Variants in UTP14C observed in about 807,000 individuals in gnomAD.
UTP14C encodes U3 small nucleolar RNA-associated protein 14 homolog C.
In UTP14C, 10 loss-of-function variants were observed where a neutral mutation model predicts 14.6. The ratio of observed to expected loss-of-function variants is 0.68; its 90% CI spans 0.42 to 1.16. UTP14C has a LOEUF of 1.16. Ranked by LOEUF, UTP14C falls within the 50% of genes most tolerant of loss-of-function variation. The pLI is 0.00. For missense variants in UTP14C, 818 were observed against 890.8 expected, an observed-to-expected ratio of 0.92 and a Z score of 1.04; for synonymous variants, 315 against 331.6, an observed-to-expected ratio of 0.95 and a Z score of 0.54.
At chr13:52,026,307 A>G (rs1241444193) in intron 1 of UTP14C, among the ~76,000 whole-genome samples, 1 of 152,204 alleles carries the variant, frequency 6.6e-6, no homozygotes, top group Non-Finnish European at 1.5e-5. Flanking sequence ...AGATGCATCA[A>G]TAGGAACATT....
In UTP14C at chr13:52,032,194, C is replaced by G. The variant is rs1954312637; in HGVS notation, c.*1089C>G. The G allele has an allele frequency of 6.5e-6, 1 of 154,906 alleles. No individual in the cohort carries two copies. The highest frequency in any genetic ancestry group is 2.4e-5 in the African/African-American group (1 of 41,404). The allele number at this position is 154,906 out of a possible 1,614,324, so 9.6% of individuals were successfully genotyped here. A position where few individuals can be genotyped will look rare whatever the true frequency, so the allele number is the denominator to read the frequency against. The stretch of plus-strand genomic sequence containing the variant: ...CCAAGATTGTGCCACTGCACTCTAG[C>G]CTGGGCAATAAGCAAAACTCCATCT... On this transcript the variant is annotated 3_prime_UTR_variant, in exon 2 of 2. Coordinates refer to ENST00000521776, the MANE Select transcript of UTP14C (RefSeq NM_021645.6).
At position 52,032,624 on chromosome 13, in the gene UTP14C, G is replaced by T. The variant is rs1263091208; in HGVS notation, c.*1519G>T. Reference sequence around the variant, plus strand: ...CTTATCTACTCCCAATTATGTTGTTGATACATCTCCAAGCCATCTGTCATC... The same window carrying T: ...CTTATCTACTCCCAATTATGTTGTTTATACATCTCCAAGCCATCTGTCATC... On this transcript the variant is annotated 3_prime_UTR_variant, in exon 2 of 2. Coordinates refer to ENST00000521776, the MANE Select transcript of UTP14C (RefSeq NM_021645.6). The T allele has an allele frequency of 6.0e-6, 1 of 166,994 alleles. No homozygotes were observed. The highest frequency in any genetic ancestry group is 2.4e-5 in the African/African-American group (1 of 41,432). 10.3% of individuals were successfully genotyped at this position (166,994 alleles called of 1,614,324 possible). A position where few individuals can be genotyped will look rare whatever the true frequency, so the allele number is the denominator to read the frequency against.
rs980468793 is a variant in UTP14C, at chr13:52,031,507, T to C, written c.*402T>C. The C allele has an allele frequency of 5.3e-6, 1 of 187,272 alleles. No homozygotes were observed. 11.6% of individuals were successfully genotyped at this position (187,272 alleles called of 1,614,324 possible). ...TGCCAGCAATCCTTTCCATACTAGG[T>C]ACTGGTGAAAATTGTTTTTGTTTAT... On this transcript the variant is annotated 3_prime_UTR_variant, in exon 2 of 2. Coordinates refer to ENST00000521776, the MANE Select transcript of UTP14C (RefSeq NM_021645.6).
At position 52,030,212 on chromosome 13, in the gene UTP14C, C is replaced by A. The variant is rs1463288811; in HGVS notation, c.1408C>A (p.Gln470Lys). 2 of 1,614,202 alleles carry A rather than the reference C, an allele frequency of 1.2e-6. No homozygotes were observed. Among genetic ancestry groups the A allele is most frequent in the African/African-American group, 1.3e-5 (1 of 75,044 alleles). ...ATCTCAGAAATTGAAGGAAAAACAT[C>A]AGTCCAGGAAGCAAAAAGCAAGTTC... ...ALSQKLKEKH[Q>K]SRKQKASSEG... is the part of the protein sequence containing the mutation. Residue 470 changes from glutamine to lysine, a missense_variant, in exon 2 of 2, where the codon CAG becomes AAG. Physicochemically the swap from Gln to Lys is moderately conservative, Grantham distance 53. Transcript: ENST00000521776.
chr13:52,029,304 T>C lies in UTP14C; in HGVS notation c.500T>C (p.Ile167Thr), dbSNP rs1040934079. 3.7e-6 allele frequency: 6 copies of C among 1,614,130 alleles called. No individual in the cohort carries two copies. Among genetic ancestry groups the C allele is most frequent in the Non-Finnish European group, 5.1e-6 (6 of 1,180,022 alleles). Reference sequence around the variant, plus strand: ...CCCCTGGGGAAGGAGCAGCCAGCCATTGCTCCCATTGAACATGCGCTCAGT... The same window carrying C: ...CCCCTGGGGAAGGAGCAGCCAGCCACTGCTCCCATTGAACATGCGCTCAGT... ...VFPLGKEQPA[I>T]APIEHALSGW... Residue 167 changes from isoleucine (I) to threonine (T), a missense_variant, in exon 2 of 2, where the codon ATT (isoleucine) becomes ACT (threonine). Physicochemically the swap from Ile to Thr is moderately conservative, Grantham distance 89 (BLOSUM62 -1). Coordinates refer to ENST00000521776, the MANE Select transcript of UTP14C (RefSeq NM_021645.6).
In UTP14C at chr13:52,031,009, T is replaced by C. The variant is rs1351870519; in HGVS notation, c.2205T>C (p.Asp735=). The C allele has an allele frequency of 6.2e-7, 1 of 1,614,130 alleles. No homozygotes were observed. The highest frequency in any genetic ancestry group is 2.2e-5 in the East Asian group (1 of 44,874). ...TCATTAAGCCCATAAAAGCAGAGGA[T>C]GTGGGCTACCAGTCTTCCTCAAGGT... The part of the protein sequence containing the change: ...GHIIKPIKAE[D]VGYQSSSRSD... The change falls in exon 2 of 2, where the codon GAT becomes GAC. Residue 735 remains aspartate (D), a synonymous_variant. Coordinates refer to ENST00000521776, the MANE Select transcript of UTP14C (RefSeq NM_021645.6).
At position 52,031,084 on chromosome 13, in the gene UTP14C, C is replaced by T. The variant is rs200692587; in HGVS notation, c.2280C>T (p.His760=). Residue 760 remains histidine (H), a synonymous_variant, in exon 2 of 2, where the codon CAC becomes CAT. Transcript: ENST00000521776. ...ATCCAAAACGAATCACCACACGTCA[C>T]AATAAAGAAGAAAAACTGTAGGTTG... The part of the protein sequence containing the change: ...QRNPKRITTR[H]NKEEKL 6.2e-6 allele frequency: 10 copies of T among 1,611,110 alleles called. No homozygotes were observed. Among genetic ancestry groups the T allele is most frequent in the African/African-American group, 1.3e-5 (1 of 74,684 alleles).
chr13:52,028,488 GA>G lies in UTP14C; in HGVS notation c.-316del, dbSNP rs1301685001. On this transcript the variant is annotated 5_prime_UTR_variant, in exon 2 of 2. The change creates a premature stop within an existing upstream ORF in the 5' untranslated region. Transcript: ENST00000521776. ...ACATTCTTTCCATGTCTGCAGAAAA[GA>G]GACTCCAAATCAGAAAAAGTGCTCG... 1 of 1,614,186 alleles carries G rather than the reference GA, an allele frequency of 6.2e-7. No homozygotes were observed. The highest frequency in any genetic ancestry group is 1.1e-5 in the South Asian group (1 of 91,090).
chr13:52,027,757 A>G (rs1032481287), intron 1 of UTP14C, among the ~76,000 whole-genome samples: 1 of 152,244 alleles, frequency 6.6e-6, no homozygotes, highest in Non-Finnish European at 1.5e-5. Flanking sequence ...AGTATGCTTC[A>G]CTTAGGTGAT....
In UTP14C at chr13:52,028,780, T is replaced by C. The variant is rs1457945044; in HGVS notation, c.-25T>C. Reference sequence around the variant, plus strand: ...TAGCCTTCGGCTTCCATTCTTGGTATACATGAGAGAGGCTGGCTGCTGAGA... The same window carrying C: ...TAGCCTTCGGCTTCCATTCTTGGTACACATGAGAGAGGCTGGCTGCTGAGA... On this transcript the variant is annotated 5_prime_UTR_variant, in exon 2 of 2. Coordinates refer to ENST00000521776, the MANE Select transcript of UTP14C (RefSeq NM_021645.6). The C allele has an allele frequency of 1.2e-6, 2 of 1,614,080 alleles. No homozygotes were observed. The highest frequency in any genetic ancestry group is 4.5e-5 in the East Asian group (2 of 44,898).
Position 52,030,791 on chromosome 13 carries a change from T to G in UTP14C, c.1987T>G (p.Leu663Val), listed in dbSNP as rs562071993. ...PEGPPRKDKN[L>V]PNVIISEKRN... Reference sequence around the variant, plus strand: ...GGGTCCTCCAAGAAAAGATAAGAATTTGCCAAATGTGATTATCAGTGAGAA... The same window carrying G: ...GGGTCCTCCAAGAAAAGATAAGAATGTGCCAAATGTGATTATCAGTGAGAA... Residue 663 changes from leucine to valine, a missense_variant, in exon 2 of 2, where the codon TTG (leucine) becomes GTG (valine). Transcript: ENST00000521776. The G allele has an allele frequency of 1.9e-6, 3 of 1,614,126 alleles. No individual in the cohort carries two copies. In the East Asian group the frequency reaches 6.7e-5, roughly 36 times the overall value.
rs561303905 is a variant in UTP14C, at chr13:52,025,338, C to G, written c.-487+401C>G. On this transcript the variant is annotated intron_variant, in intron 1 of 1. Coordinates refer to ENST00000521776, the MANE Select transcript of UTP14C (RefSeq NM_021645.6). Reference sequence around the variant, plus strand: ...AGATAGCCCCTGCTCTTAACAGCAACATTTTCTCTCTCCATCTAACCCCAC... The same window carrying G: ...AGATAGCCCCTGCTCTTAACAGCAAGATTTTCTCTCTCCATCTAACCCCAC... 3.7e-4 allele frequency among the ~76,000 whole-genome samples: 56 copies of G among 152,310 alleles called. 1 individual carries two copies. In the South Asian group the frequency reaches 0.011, roughly 31 times the overall value.
In UTP14C at chr13:52,031,451, GGT is replaced by G. The variant is rs1479499736; in HGVS notation, c.*353_*354del. 1 of 261,734 alleles carries G rather than the reference GGT, an allele frequency of 3.8e-6. No individual in the cohort carries two copies. The highest frequency in any genetic ancestry group is 2.2e-5 in the African/African-American group (1 of 45,080). 16.2% of individuals were successfully genotyped at this position (261,734 alleles called of 1,614,324 possible). A position where few individuals can be genotyped will look rare whatever the true frequency, so the allele number is the denominator to read the frequency against. ...AGGTGGGACTGACTGATGCTTTATAGGTGTGTGTAGGGTGGTAGAGGCCAAGG... is the reference window on the plus strand; with the variant it reads ...AGGTGGGACTGACTGATGCTTTATAGGTGTGTAGGGTGGTAGAGGCCAAGG... On this transcript the variant is annotated 3_prime_UTR_variant, in exon 2 of 2. Coordinates refer to ENST00000521776, the MANE Select transcript of UTP14C (RefSeq NM_021645.6).
Position 52,029,004 on chromosome 13 carries a change from G to A in UTP14C, c.200G>A (p.Ser67Asn). 6.2e-7 allele frequency: 1 copy of A among 1,614,266 alleles called. No homozygotes were observed. The highest frequency in any genetic ancestry group is 8.5e-7 in the Non-Finnish European group (1 of 1,180,048). ...RRKLAERSEA[S>N]LKVSEFSVSS... ...AAATTGGCTGAGAGGTCTGAGGCTAGTCTGAAAGTGTCAGAGTTCAGTGTC... is the reference window on the plus strand; with the variant it reads ...AAATTGGCTGAGAGGTCTGAGGCTAATCTGAAAGTGTCAGAGTTCAGTGTC... Residue 67 changes from serine (S) to asparagine (N), a missense_variant, in exon 2 of 2, where the codon AGT becomes AAT. Ser to Asn is a conservative substitution (Grantham distance 46). Coordinates refer to ENST00000521776, the MANE Select transcript of UTP14C (RefSeq NM_021645.6).
rs1954288103 is a variant in UTP14C, at chr13:52,030,296, C to CTTCTG, written c.1493_1494insTCTGT (p.Leu500TyrfsTer15). The CTTCTG allele has an allele frequency of 6.2e-7, 1 of 1,614,198 alleles. No individual in the cohort carries two copies. Among genetic ancestry groups the CTTCTG allele is most frequent in the Non-Finnish European group, 8.5e-7 (1 of 1,180,038 alleles). The stretch of plus-strand genomic sequence containing the variant: ...ACCTGCCCCAGAAGAAGCGGAACCC[C>CTTCTG]TATTGCTACAGAGGTCAGAGAGAGT... On this transcript the variant is annotated frameshift_variant, in exon 2 of 2. Coordinates refer to ENST00000521776, the MANE Select transcript of UTP14C (RefSeq NM_021645.6). LOFTEE classifies it low-confidence loss of function (END_TRUNC).
chr13:52,031,508 AC>A lies in UTP14C; in HGVS notation c.*404del. 1 of 187,370 alleles carries A rather than the reference AC, an allele frequency of 5.3e-6. No homozygotes were observed. The highest frequency in any genetic ancestry group is 1.5e-4 in the South Asian group (1 of 6,656). 11.6% of individuals were successfully genotyped at this position (187,370 alleles called of 1,614,324 possible). A position where few individuals can be genotyped will look rare whatever the true frequency, so the allele number is the denominator to read the frequency against. On this transcript the variant is annotated 3_prime_UTR_variant, in exon 2 of 2. Transcript: ENST00000521776. ...GCCAGCAATCCTTTCCATACTAGGT[AC>A]TGGTGAAAATTGTTTTTGTTTATGC...
chr13:52,028,432 A>G lies in UTP14C; in HGVS notation c.-373A>G. Reference sequence around the variant, plus strand: ...AGATATAACTGGCTTTCTGGCTGAGAGTGAAGAAGACTATGCTGAAACTAT... The same window carrying G: ...AGATATAACTGGCTTTCTGGCTGAGGGTGAAGAAGACTATGCTGAAACTAT... On this transcript the variant is annotated 5_prime_UTR_variant, in exon 2 of 2. Coordinates refer to ENST00000521776, the MANE Select transcript of UTP14C (RefSeq NM_021645.6). The G allele has an allele frequency of 4.3e-6, 7 of 1,614,186 alleles. No individual in the cohort carries two copies. The highest frequency in any genetic ancestry group is 5.9e-6 in the Non-Finnish European group (7 of 1,180,042).
At position 52,028,809 on chromosome 13, in the gene UTP14C, A is replaced by G. The variant is rs754909956; in HGVS notation, c.5A>G (p.Asn2Ser). The change falls in exon 2 of 2, where the codon AAT becomes AGT. Residue 2 changes from asparagine to serine, a missense_variant. Coordinates refer to ENST00000521776, the MANE Select transcript of UTP14C (RefSeq NM_021645.6). MNVNQVAENLAL... is the reference protein window; with the variant it reads MSVNQVAENLAL... ...TGAGAGAGGCTGGCTGCTGAGATGAATGTGAACCAGGTTGCAGAGAATCTG... is the reference window on the plus strand; with the variant it reads ...TGAGAGAGGCTGGCTGCTGAGATGAGTGTGAACCAGGTTGCAGAGAATCTG... 8 of 1,614,234 alleles carry G rather than the reference A, an allele frequency of 5.0e-6. No individual in the cohort carries two copies. In the East Asian group the frequency reaches 1.6e-4, roughly 31 times the overall value.
rs139833950 is a variant in UTP14C, at chr13:52,027,663, C to T, written c.-486-656C>T. ...ATCATTTGGCAGAAACTAACCACAACTTTCATTTAGTTCAGCACTGTTGTT... is the reference window on the plus strand; with the variant it reads ...ATCATTTGGCAGAAACTAACCACAATTTTCATTTAGTTCAGCACTGTTGTT... On this transcript the variant is annotated intron_variant, in intron 1 of 1. Coordinates refer to ENST00000521776, the MANE Select transcript of UTP14C (RefSeq NM_021645.6). Among the ~76,000 whole-genome samples, 947 of 152,280 alleles carry T rather than the reference C, an allele frequency of 6.2e-3. 4 individuals carry two copies. Among genetic ancestry groups the T allele is most frequent in the African/African-American group, 0.021 (864 of 41,558 alleles).
Sources: allele counts gnomAD v4.1 joint callset (sites outside exome capture counted in the v4.1 genomes callset), GRCh38; gene constraint gnomAD v4.1.1; transcripts MANE v1.5; gene names NCBI Gene and HGNC (gene_info 2026-07-23, HGNC 2026-07-21).